The following TMC7 variants were observed in gnomAD, a reference collection of about 807,000 sequenced individuals.
TMC7 encodes the protein transmembrane channel-like protein 7.
Under a neutral mutation model 82.9 loss-of-function variants are expected in TMC7, and 54 were observed. The ratio of observed to expected loss-of-function variants is 0.65; its 90% CI spans 0.52 to 0.82. TMC7 has a LOEUF of 0.82. Among genes scored for constraint, TMC7 ranks in the 40% least tolerant of loss-of-function variants. The pLI is 0.00. For missense variants in TMC7, 820 were observed against 901.2 expected (o/e 0.91, Z 1.15); for synonymous variants, 350 against 337.9 (o/e 1.04, Z -0.39).
chr16:19,039,092 C>CTTTTTTTTTTT (rs376747652), intron 8 of TMC7, among the ~76,000 whole-genome samples: 1 of 130,452 alleles, frequency 7.7e-6, no homozygotes. Context: ...TTTCTTTTTT[C>CTTTTTTTTTTT]TTTTTTTTTT....
chr16:18,991,710 T>C (rs896752871), intron 1 of TMC7, among the ~76,000 whole-genome samples: 2 of 152,136 alleles, frequency 1.3e-5, no homozygotes, highest in African/African-American at 4.8e-5. Flanking sequence ...ACATTAGGTG[T>C]ATCTCCTAAT....
intron 6 of TMC7, 99 bp downstream of exon 6, chr16:19,030,468 A>T: frequency 6.5e-6 from 9 of 1,385,726 alleles, no homozygotes; most frequent in Non-Finnish European, 7.7e-6. Flanking sequence ...GGATGAGTGG[A>T]GTCCAATGAT....
At chr16:19,026,130 C>T (rs1202498765) in intron 5 of TMC7, among the ~76,000 whole-genome samples, 1 of 151,174 alleles carries the variant, frequency 6.6e-6, no homozygotes, top group East Asian at 1.9e-4. Flanking sequence ...TAAAAACAAC[C>T]CAGGGGAATT....
At position 19,009,339 on chromosome 16, in the gene TMC7, GACAGAATCGCTGAAA is replaced by G; in HGVS notation, c.238_252del (p.Arg80_Asn84del). 1 of 1,614,142 alleles carries G rather than the reference GACAGAATCGCTGAAA, an allele frequency of 6.2e-7. No individual in the cohort carries two copies. The highest frequency in any genetic ancestry group is 8.5e-7 in the Non-Finnish European group (1 of 1,180,040). Reference sequence around the variant, plus strand: ...CGACTCTTACAGCTCCCAGCTGGAGGACAGAATCGCTGAAAACCTCAGCAGCCATTCTCTTCGAAA... The same window carrying G: ...CGACTCTTACAGCTCCCAGCTGGAGGACCTCAGCAGCCATTCTCTTCGAAA... On this transcript the variant is annotated inframe_deletion, in exon 2 of 16. Transcript: ENST00000304381.
intron 1 of TMC7, among the ~76,000 whole-genome samples, chr16:19,000,052 C>T (rs1048605491): frequency 6.6e-5 from 10 of 152,078 alleles, no homozygotes; most frequent in Non-Finnish European, 1.0e-4. Flanking sequence ...CGTGTAATCA[C>T]GAAGGCTGCG....
Position 19,060,305 on chromosome 16 carries a change from A to C in TMC7, c.2106+811A>C, listed in dbSNP as rs147423864. On this transcript the variant is annotated intron_variant, in intron 15 of 15. Transcript: ENST00000304381. ...CAGCAGCCTCAAACTCTTGGTCTCA[A>C]GCCATCCTCCCACCTTAGCCTCCCA... Among the ~76,000 whole-genome samples the C allele has an allele frequency of 6.3e-3, 958 of 152,152 alleles. 10 individuals are homozygous for C. Among genetic ancestry groups the C allele is most frequent in the African/African-American group, 0.022 (904 of 41,526 alleles).
chr16:18,997,127 C>T (rs1048098520), intron 1 of TMC7, among the ~76,000 whole-genome samples: 8 of 152,212 alleles, frequency 5.3e-5, no homozygotes, highest in African/African-American at 1.9e-4. Context: ...TGGATCTCCT[C>T]ACGGAGTGAG....
At chr16:19,057,455 G>A (rs1961825805) in intron 14 of TMC7, among the ~76,000 whole-genome samples, 1 of 152,192 alleles carries the variant, frequency 6.6e-6, no homozygotes, top group Admixed American at 6.6e-5. Flanking sequence ...CAATTACTCT[G>A]TGATGCAGAT....
rs188159991 is a variant in TMC7 at position 19,048,040 on chromosome 16, T to C, written c.1740+791T>C. On this transcript the variant is annotated intron_variant, in intron 12 of 15. Coordinates refer to ENST00000304381, the MANE Select transcript of TMC7 (RefSeq NM_024847.4). ...TTATGTTTTTATAATTTTGAGAGTTTTGTTAAGAATTTTTTTTATTAAGGC... is the reference window on the plus strand; with the variant it reads ...TTATGTTTTTATAATTTTGAGAGTTCTGTTAAGAATTTTTTTTATTAAGGC... Among the ~76,000 whole-genome samples, 54 of 152,280 alleles carry C rather than the reference T, an allele frequency of 3.5e-4. 1 individual carries two copies. The highest frequency in any genetic ancestry group is 1.1e-3 in the African/African-American group (47 of 41,566).
intron 15 of TMC7, among the ~76,000 whole-genome samples, chr16:19,060,933 C>T (rs1961977698): frequency 6.6e-6 from 1 of 151,628 alleles, no homozygotes; most frequent in African/African-American, 2.4e-5. Flanking sequence ...ATTACAGGCA[C>T]CCACCATCAC....
intron 6 of TMC7, among the ~76,000 whole-genome samples, chr16:19,031,583 A>G (rs943365583): frequency 1.1e-4 from 17 of 152,264 alleles, no homozygotes; most frequent in Middle Eastern, 3.4e-3. Context: ...AGACAGGAGA[A>G]TCACTTGAAC....
At chr16:18,991,931 C>A (rs929026461) in intron 1 of TMC7, among the ~76,000 whole-genome samples, 11 of 152,066 alleles carry the variant, frequency 7.2e-5, no homozygotes, top group Non-Finnish European at 1.5e-4. Context: ...TGAACTCATC[C>A]TTTTTTGTGG....
chr16:19,020,689 G>A (rs1453755626), intron 3 of TMC7, among the ~76,000 whole-genome samples: 1 of 151,974 alleles, frequency 6.6e-6, no homozygotes, highest in African/African-American at 2.4e-5. Context: ...CCAACATGGT[G>A]AAACCTCATC....
chr16:19,009,144 A>G, intron 1 of TMC7, 28 bp from the exon 2 acceptor site: 1 of 1,605,782 alleles, frequency 6.2e-7, no homozygotes, highest in South Asian at 1.1e-5. Flanking sequence ...CACTGGAGTG[A>G]ATGATGACTT....
chr16:19,039,830 T>A (rs1212085758), intron 8 of TMC7, among the ~76,000 whole-genome samples: 1 of 151,726 alleles, frequency 6.6e-6, no homozygotes. Flanking sequence ...AAGAAGGAGA[T>A]GGCGGCCGGG....
In TMC7 at chr16:19,045,458, A is replaced by G; in HGVS notation, c.1553+20A>G. ...TAGAAAGTAAGTGCGAGGGGTGCCC[A>G]TATTATCCCCCCCACCACACACATG... On this transcript the variant is annotated intron_variant, in intron 11 of 15. Coordinates refer to ENST00000304381, the MANE Select transcript of TMC7 (RefSeq NM_024847.4). The G allele has an allele frequency of 1.3e-6, 2 of 1,547,416 alleles. No homozygotes were observed. Among genetic ancestry groups the G allele is most frequent in the African/African-American group, 1.4e-5 (1 of 73,820 alleles).
chr16:19,025,915 C>T (rs1191192831), intron 5 of TMC7, among the ~76,000 whole-genome samples: 4 of 151,804 alleles, frequency 2.6e-5, no homozygotes, highest in African/African-American at 9.7e-5. Context: ...ACCCCCATGC[C>T]CAGCTAATTT....
rs576382838 is a variant in TMC7, at chr16:19,001,710, A to G, written c.68-7462A>G. Among the ~76,000 whole-genome samples the G allele has an allele frequency of 1.2e-4, 18 of 152,294 alleles. No individual in the cohort carries two copies. The South Asian group carries it at 3.7e-3, about 32-fold the overall frequency. ...ACAAACAACACAAAAAGGATGGAGT[A>G]GTAACAGGGGTGAGTGAGTGCGGTG... On this transcript the variant is annotated intron_variant, in intron 1 of 15. Coordinates refer to ENST00000304381, the MANE Select transcript of TMC7 (RefSeq NM_024847.4).
intron 1 of TMC7, among the ~76,000 whole-genome samples, chr16:19,005,056 TTTTATTTATTTATTTATTTATTTA>T (rs141697169): frequency 4.2e-5 from 6 of 144,198 alleles, no homozygotes; most frequent in Non-Finnish European, 6.0e-5. Context: ...AAATACTTTA[TTTTATTTATTTATTTATTTATTTA>T]TTTATTTATT....
Sources: gnomAD v4.1 joint callset for allele counts (sites outside exome capture counted in the v4.1 genomes callset) on GRCh38, gnomAD v4.1.1 for gene constraint, MANE v1.5 for transcripts, NCBI Gene and HGNC (gene_info 2026-07-23, HGNC 2026-07-21) for gene names.